Variants in ACKR3 observed in about 807,000 individuals in gnomAD.
The protein encoded by ACKR3 is atypical chemokine receptor 3.
Under a neutral mutation model 22.4 loss-of-function variants are expected in ACKR3, and 6 were observed. The observed-to-expected ratio is 0.27, with a 90% CI of 0.15 to 0.53. ACKR3 has a LOEUF of 0.53. ACKR3 is among the 20% of genes least tolerant of loss of function. ACKR3 has a pLI of 0.96. For missense variants in ACKR3, 396 were observed against 475.2 expected (o/e 0.83, Z 1.55); for synonymous variants, 209 against 205.2 (o/e 1.02, Z -0.16).
the ACKR3 span, among the ~76,000 whole-genome samples, chr2:236,550,345 G>A: frequency 6.6e-6 from 1 of 152,238 alleles, no homozygotes; most frequent in Non-Finnish European, 1.5e-5. The surrounding 1 kb of genome is among the most constrained non-coding windows in gnomAD (Gnocchi z 4.6). Flanking sequence ...GCACACATCT[G>A]CCAGGCCAGT....
rs1691371216 is a variant in ACKR3, at chr2:236,574,671, G to A, written c.-27+4747G>A. Among the ~76,000 whole-genome samples the A allele has an allele frequency of 6.6e-6, 1 of 152,190 alleles. No homozygotes were observed. The highest frequency in any genetic ancestry group is 2.1e-4 in the South Asian group (1 of 4,830). On this transcript the variant is annotated intron_variant, in intron 1 of 1. Transcript: ENST00000272928. The surrounding 1 kb of genome is among the most constrained non-coding windows in gnomAD (Gnocchi z 5.6). ...CACCACCCATGAAGGCTCTAAACCT[G>A]AGTACCTGTAATTCCGGCTTCACCC...
At chr2:236,567,358 C>A (rs1464230888), upstream of ACKR3, among the ~76,000 whole-genome samples, 3 of 152,196 alleles carry the variant, frequency 2.0e-5, no homozygotes, top group Admixed American at 6.5e-5. Flanking sequence ...ATGCTTTCCT[C>A]CTATTCATCT....
the ACKR3 span, among the ~76,000 whole-genome samples, chr2:236,544,511 G>A: frequency 6.6e-6 from 1 of 152,196 alleles, no homozygotes; most frequent in African/African-American, 2.4e-5. The surrounding 1 kb of genome is among the most constrained non-coding windows in gnomAD (Gnocchi z 5.0). Flanking sequence ...CAGGGCTGGG[G>A]GGCTGCTGTG....
At chr2:236,562,685 A>G in the ACKR3 span, among the ~76,000 whole-genome samples, 2 of 151,926 alleles carry the variant, frequency 1.3e-5, no homozygotes, top group Non-Finnish European at 2.9e-5. Context: ...AAGTTCAGAA[A>G]TTAAGCGTCA....
At chr2:236,568,717 G>T (rs1458777530), upstream of ACKR3, among the ~76,000 whole-genome samples, 1 of 152,248 alleles carries the variant, frequency 6.6e-6, no homozygotes, top group African/African-American at 2.4e-5. Flanking sequence ...TTCTAGCCAC[G>T]TGAGACTTTG....
chr2:236,558,388 G>A, the ACKR3 span, among the ~76,000 whole-genome samples: 1 of 152,218 alleles, frequency 6.6e-6, no homozygotes, highest in Non-Finnish European at 1.5e-5. Context: ...GGTGCTGGCA[G>A]GAATGGCTAA....
the ACKR3 span, among the ~76,000 whole-genome samples, chr2:236,561,595 G>A: frequency 6.6e-6 from 1 of 151,980 alleles, no homozygotes; most frequent in East Asian, 1.9e-4. Flanking sequence ...GGGTTCAAGC[G>A]ATTCTCCTGC....
upstream of ACKR3, among the ~76,000 whole-genome samples, chr2:236,563,151 T>A (rs937522300): frequency 3.3e-5 from 5 of 152,246 alleles, no homozygotes; most frequent in Non-Finnish European, 7.3e-5. Context: ...TAAGTTTTCC[T>A]AAAACATTTA....
the ACKR3 span, among the ~76,000 whole-genome samples, chr2:236,561,021 T>C: frequency 1.8e-3 from 270 of 152,312 alleles, 2 homozygotes; most frequent in African/African-American, 6.4e-3. Context: ...GAATGAAACT[T>C]GACATTTTGC....
the ACKR3 span, among the ~76,000 whole-genome samples, chr2:236,541,289 A>G: frequency 6.6e-6 from 1 of 152,240 alleles, no homozygotes; most frequent in Non-Finnish European, 1.5e-5. Context: ...GACAAATGCC[A>G]GTGGTTATGT....
chr2:236,553,098 C>G, the ACKR3 span, among the ~76,000 whole-genome samples: 21 of 152,214 alleles, frequency 1.4e-4, no homozygotes, highest in African/African-American at 4.1e-4. Flanking sequence ...CGCACAACAC[C>G]TGGCTCCACC....
chr2:236,581,321 A>T lies in ACKR3; in HGVS notation c.856A>T (p.Thr286Ser). 1 of 1,613,342 alleles carries T rather than the reference A, an allele frequency of 6.2e-7. No individual in the cohort carries two copies. Among genetic ancestry groups the T allele is most frequent in the Non-Finnish European group, 8.5e-7 (1 of 1,179,764 alleles). ...IFSILHYIPF[T>S]CRLEHALFTA... The stretch of plus-strand genomic sequence containing the variant: ...CTCCATCCTGCACTACATCCCTTTC[A>T]CCTGCCGGCTGGAGCACGCCCTCTT... The change falls in exon 2 of 2, where the codon ACC becomes TCC. Residue 286 changes from threonine (T) to serine (S), a missense_variant. Coordinates refer to ENST00000272928, the MANE Select transcript of ACKR3 (RefSeq NM_020311.3). The surrounding 1 kb of genome is among the most constrained non-coding windows in gnomAD (Gnocchi z 4.4).
chr2:236,572,768 A>C (rs75820832), intron 1 of ACKR3, among the ~76,000 whole-genome samples: 1,784 of 152,342 alleles, frequency 0.012, 45 homozygotes, highest in African/African-American at 0.041. Context: ...TGAGCACAAT[A>C]GACCAGATCA....
upstream of ACKR3, among the ~76,000 whole-genome samples, chr2:236,567,619 C>T (rs1691212826): frequency 6.6e-6 from 1 of 152,220 alleles, no homozygotes; most frequent in Non-Finnish European, 1.5e-5. Context: ...CAAGTTCAGG[C>T]CCCAAGCACC....
At chr2:236,569,123 G>T (rs1691253366), upstream of ACKR3, among the ~76,000 whole-genome samples, 1 of 152,208 alleles carries the variant, frequency 6.6e-6, no homozygotes, top group African/African-American at 2.4e-5. Flanking sequence ...CTCAGAAAAA[G>T]ACATTATCAA....
chr2:236,565,777 T>C (rs888312435), upstream of ACKR3, among the ~76,000 whole-genome samples: 2 of 152,170 alleles, frequency 1.3e-5, no homozygotes, highest in Admixed American at 6.5e-5. Context: ...CCAAGCCAGG[T>C]TGTCTGGACA....
In ACKR3 at chr2:236,581,566, G is replaced by C. The variant is rs996181408; in HGVS notation, c.*12G>C. On this transcript the variant is annotated 3_prime_UTR_variant, in exon 2 of 2. Coordinates refer to ENST00000272928, the MANE Select transcript of ACKR3 (RefSeq NM_020311.3). This position sits in a 1 kb window ranked among gnomAD's most constrained non-coding sequence, Gnocchi z 4.4. ...AGAGCACCAAATGATCTGCCCTGGA[G>C]AGGCTCTGGGACGGGTTTACTTGTT... The C allele has an allele frequency of 6.2e-7, 1 of 1,606,146 alleles. No individual in the cohort carries two copies. The highest frequency in any genetic ancestry group is 1.3e-5 in the African/African-American group (1 of 74,670).
upstream of ACKR3, among the ~76,000 whole-genome samples, chr2:236,568,617 C>T (rs1691240435): frequency 6.6e-6 from 1 of 152,198 alleles, no homozygotes. Flanking sequence ...CACCTCGCCT[C>T]CCGCTGGGCA....
upstream of ACKR3, among the ~76,000 whole-genome samples, chr2:236,567,250 C>T (rs887258186): frequency 4.6e-5 from 7 of 152,196 alleles, no homozygotes; most frequent in Non-Finnish European, 1.5e-5. Context: ...CCGCCCGCCT[C>T]GGCCTCCCAA....
Sources: gnomAD v4.1 joint callset for allele counts (sites outside exome capture counted in the v4.1 genomes callset) on GRCh38, gnomAD v4.1.1 for gene constraint, Gnocchi (gnomAD v3.1) non-coding constraint, MANE v1.5 for transcripts, NCBI Gene and HGNC (gene_info 2026-07-23, HGNC 2026-07-21) for gene names.